The following TDRD12 variants were observed in gnomAD, a reference collection of about 807,000 sequenced individuals.
TDRD12 encodes the protein tudor domain containing 12, also known as putative ATP-dependent RNA helicase TDRD12.
In TDRD12, 158 loss-of-function variants were observed where a neutral mutation model predicts 133.5. That is an observed-to-expected ratio of 1.18 (90% CI 1.04 to 1.35). TDRD12 has a LOEUF of 1.35. Among genes scored for constraint, TDRD12 ranks in the 40% most tolerant of loss-of-function variants. The pLI is 0.00. For missense variants in TDRD12, 1,443 were observed against 1,321.3 expected, an observed-to-expected ratio of 1.09 and a Z score of -1.43; for synonymous variants, 460 against 477.9, an observed-to-expected ratio of 0.96 and a Z score of 0.49.
At chr19:32,731,395 T>G (rs1009421514) in intron 1 of TDRD12, among the ~76,000 whole-genome samples, 2 of 152,010 alleles carry the variant, frequency 1.3e-5, no homozygotes, top group African/African-American at 4.8e-5. Context: ...TCTCTATTTT[T>G]TTTTTAATTA....
At chr19:32,802,212 TATATGATAGTGATC>T (rs200982382) in intron 19 of TDRD12, among the ~76,000 whole-genome samples, 7,851 of 141,898 alleles carry the variant, frequency 0.055, 378 homozygotes, top group East Asian at 0.23. Flanking sequence ...AGTGATCATA[TATATGATAGTGATC>T]ATATATATGA....
At chr19:32,822,986 C>CA (rs1191623175), downstream of TDRD12, among the ~76,000 whole-genome samples, 3 of 152,190 alleles carry the variant, frequency 2.0e-5, no homozygotes, top group Non-Finnish European at 4.4e-5. Context: ...CATGACTAGA[C>CA]AAAGTCTCCA....
At chr19:32,805,222 T>C (rs2112919) in intron 21 of TDRD12, among the ~76,000 whole-genome samples, 929 of 31,132 alleles carry the variant, frequency 0.03, 6 homozygotes, top group African/African-American at 0.12. Flanking sequence ...CACACACACA[T>C]ATATATATAT....
chr19:32,800,510 A>AT (rs1265633154), intron 17 of TDRD12, 134 bp from the exon 18 acceptor site: 7 of 949,684 alleles, frequency 7.4e-6, no homozygotes, highest in African/African-American at 1.7e-5. Context: ...ATGAAATACA[A>AT]TTATAGTTGA....
chr19:32,756,053 A>G (rs1019504812), exon 7 of TDRD12: 1 of 1,481,992 alleles, frequency 6.7e-7, no homozygotes, highest in Non-Finnish European at 8.9e-7. Context: ...CCTACAAAGA[A>G]TAAAAACCTT....
At chr19:32,761,248 T>C (rs1298206996) in intron 8 of TDRD12, among the ~76,000 whole-genome samples, 2 of 152,210 alleles carry the variant, frequency 1.3e-5, no homozygotes, top group African/African-American at 4.8e-5. Flanking sequence ...CCCAAGTAGC[T>C]GGGACTACAG....
chr19:32,823,676 G>C (rs912745772), downstream of TDRD12, among the ~76,000 whole-genome samples: 1 of 152,216 alleles, frequency 6.6e-6, no homozygotes, highest in Non-Finnish European at 1.5e-5. Context: ...TGGTTTCGCT[G>C]TGTGGGAACC....
intron 1 of TDRD12, among the ~76,000 whole-genome samples, chr19:32,725,840 C>T (rs1221294546): frequency 5.3e-5 from 8 of 152,046 alleles, no homozygotes; most frequent in East Asian, 1.9e-4. Context: ...TTCCTATCCG[C>T]GAGCATGGAA....
At chr19:32,779,250 A>G (rs6510288) in intron 11 of TDRD12, among the ~76,000 whole-genome samples, 88,567 of 152,114 alleles carry the variant, frequency 0.58, 26,545 homozygotes, top group East Asian at 0.83. Context: ...ACCTTGGCTC[A>G]TTGCCAGGGG....
chr19:32,825,999 G>T, downstream of TDRD12: 1 of 786,496 alleles, frequency 1.3e-6, no homozygotes, highest in East Asian at 2.8e-5. This position sits in a 1 kb window ranked among gnomAD's most constrained non-coding sequence, Gnocchi z 4.1. Context: ...TCCTCATCTA[G>T]ACGTTGCATA....
At position 32,819,082 on chromosome 19, in the gene TDRD12, C is replaced by T. The variant is rs191413414; in HGVS notation, c.3383+925C>T. 1.3e-4 allele frequency among the ~76,000 whole-genome samples: 20 copies of T among 152,018 alleles called. No individual in the cohort carries two copies. The East Asian group carries it at 3.3e-3, about 25-fold the overall frequency. On this transcript the variant is annotated intron_variant, in intron 27 of 27. Coordinates refer to ENST00000444215, the Ensembl canonical transcript of TDRD12. ...TTGTAATCCCAGCACTTTGGGAGGC[C>T]GAGGCAGGAGGATTGCTCAAGCTCA...
chr19:32,784,470 C>T (rs1872257979), intron 11 of TDRD12, among the ~76,000 whole-genome samples: 1 of 152,094 alleles, frequency 6.6e-6, no homozygotes, highest in Non-Finnish European at 1.5e-5. Flanking sequence ...GTGACTCTGC[C>T]AGGCTTTGGT....
chr19:32,815,082 G>C lies in TDRD12; in HGVS notation c.3142-366G>C, dbSNP rs530193778. On this transcript the variant is annotated intron_variant, in intron 25 of 27. Coordinates refer to ENST00000444215, the Ensembl canonical transcript of TDRD12. The stretch of plus-strand genomic sequence containing the variant: ...GTCCTTCCCATCAGGCAGACGCTGA[G>C]CCTCAGGAGGTAAAAGTAGTTGAGA... 4.1e-4 allele frequency among the ~76,000 whole-genome samples: 62 copies of C among 152,332 alleles called. 2 individuals carry two copies. In the Middle Eastern group the frequency reaches 0.014, roughly 33 times the overall value.
chr19:32,738,936 C>G lies in TDRD12; in HGVS notation c.264C>G (p.Tyr88Ter), dbSNP rs1969307514. 2 of 1,551,040 alleles carry G rather than the reference C, an allele frequency of 1.3e-6. No homozygotes were observed. Among genetic ancestry groups the G allele is most frequent in the Admixed American group, 2.0e-5 (1 of 50,988 alleles). ...CAATTACGTCTTCCGCAGACCAGTA[C>G]CTGGCAGAATGTTTCCTTGTGGACT... The change falls in exon 3 of 28, where the codon TAC (tyrosine) becomes TAG (stop). Residue 88 changes from tyrosine (Y) to a stop codon, truncating the protein, a stop_gained. Transcript: ENST00000444215. LOFTEE classifies it high-confidence loss of function.
intron 8 of TDRD12, 59 bp from the exon 9 acceptor site, chr19:32,772,694 T>G: frequency 1.0e-6 from 1 of 993,006 alleles, no homozygotes; most frequent in Non-Finnish European, 1.5e-6. Context: ...CTTTTTATCC[T>G]ATTTTCTATT....
At chr19:32,816,004 A>G (rs758396407) in intron 26 of TDRD12, among the ~76,000 whole-genome samples, 2 of 133,026 alleles carry the variant, frequency 1.5e-5, no homozygotes, top group Non-Finnish European at 3.2e-5. Context: ...AAAAAGAAAA[A>G]AAAAAAAGTA....
At chr19:32,786,610 C>T (rs1468204244) in intron 11 of TDRD12, among the ~76,000 whole-genome samples, 1 of 152,134 alleles carries the variant, frequency 6.6e-6, no homozygotes, top group Non-Finnish European at 1.5e-5. Context: ...TTCTTGGAGG[C>T]TTTGTTCATT....
At chr19:32,825,782 G>A (rs1967569081), downstream of TDRD12, among the ~76,000 whole-genome samples, 1 of 152,158 alleles carries the variant, frequency 6.6e-6, no homozygotes, top group African/African-American at 2.4e-5. This position sits in a 1 kb window ranked among gnomAD's most constrained non-coding sequence, Gnocchi z 4.1. Context: ...TTGGTAGGCT[G>A]AGGCAGGAGA....
At chr19:32,723,245 A>G (rs1284853802) in intron 1 of TDRD12, among the ~76,000 whole-genome samples, 1 of 151,812 alleles carries the variant, frequency 6.6e-6, no homozygotes, top group African/African-American at 2.4e-5. Context: ...GTAGCTTTAT[A>G]GGTAACTATT....
Sources: gnomAD v4.1 joint callset for allele counts (sites outside exome capture counted in the v4.1 genomes callset) on GRCh38, gnomAD v4.1.1 for gene constraint, Gnocchi (gnomAD v3.1) non-coding constraint, MANE v1.5 for transcripts, NCBI Gene and HGNC (gene_info 2026-07-23, HGNC 2026-07-21) for gene names.